The following SMG5 variants were observed in gnomAD, a reference collection of about 807,000 sequenced individuals.
The protein encoded by SMG5 is nonsense-mediated mRNA decay factor SMG5.
In SMG5, 53 loss-of-function variants were observed where a neutral mutation model predicts 122.9. The ratio of observed to expected loss-of-function variants is 0.43; its 90% CI spans 0.35 to 0.54. The LOEUF is 0.54. Ranked by LOEUF, SMG5 falls within the 20% of genes least tolerant of loss-of-function variation. The probability of loss-of-function intolerance (pLI) is 0.01; values close to 1 mark genes in which losing one functional copy is unlikely to be tolerated. For synonymous variants in SMG5, 477 were observed against 490.2 expected, an observed-to-expected ratio of 0.97 and a Z score of 0.35; for missense variants, 1,153 against 1,285.6, an observed-to-expected ratio of 0.90 and a Z score of 1.58.
intron 5 of SMG5, among the ~76,000 whole-genome samples, chr1:156,273,896 G>A (rs1187389940): frequency 6.6e-6 from 1 of 151,918 alleles, no homozygotes; most frequent in Admixed American, 6.6e-5. Context: ...ATGAAGGGGA[G>A]CTGCAGCACA....
Position 156,272,513 on chromosome 1 carries a change from C to A in SMG5, c.635-115G>T, listed in dbSNP as rs1252320692. 12 of 770,034 alleles carry A rather than the reference C, an allele frequency of 1.6e-5. No homozygotes were observed. Among genetic ancestry groups the A allele is most frequent in the Non-Finnish European group, 2.2e-6 (1 of 451,904 alleles). The allele number at this position is 770,034 out of a possible 1,614,324, so 47.7% of individuals were successfully genotyped here. ...TAGGGAGAACAGCTGGGTCTGCAGGCAACACTGGTTGTCTCAGGTGATTAG... is the reference window on the plus strand; with the variant it reads ...TAGGGAGAACAGCTGGGTCTGCAGGAAACACTGGTTGTCTCAGGTGATTAG... On this transcript the variant is annotated intron_variant, in intron 6 of 21. Transcript: ENST00000361813.
At chr1:156,270,366 T>C (rs1371340559) in intron 7 of SMG5, among the ~76,000 whole-genome samples, 1 of 152,216 alleles carries the variant, frequency 6.6e-6, no homozygotes, top group Non-Finnish European at 1.5e-5. Flanking sequence ...TTCTACCCTG[T>C]GGAAGATACC....
chr1:156,285,519 A>T, upstream of SMG5: 1 of 1,614,164 alleles, frequency 6.2e-7, no homozygotes, highest in Non-Finnish European at 8.5e-7. Context: ...CGGGACATTG[A>T]ACCAGAGCCC....
Position 156,267,562 on chromosome 1 carries a change from T to A in SMG5, c.1025A>T (p.Glu342Val). ...GAGGAAAGCATATCCACTCTCATAC[T>A]CCTCCTCATCCTCACTGGCCAGGCT... ...NLSLASEDEE[E>V]YESGYAFLPD... The change falls in exon 10 of 22, where the codon GAG becomes GTG. Residue 342 changes from glutamate to valine, a missense_variant. Physicochemically the swap from Glu to Val is moderately radical, Grantham distance 121. Around this residue, in one of 5 missense-constraint regions of SMG5, gnomAD observed 631 missense variants for 650.6 expected, o/e 0.97. Coordinates refer to ENST00000361813, the MANE Select transcript of SMG5 (RefSeq NM_015327.3). 2 of 1,614,004 alleles carry A rather than the reference T, an allele frequency of 1.2e-6. No homozygotes were observed. The highest frequency in any genetic ancestry group is 4.5e-5 in the East Asian group (2 of 44,878).
At position 156,263,446 on chromosome 1, in the gene SMG5, G is replaced by C. The variant is rs760587375; in HGVS notation, c.1980C>G (p.Val660=). The stretch of plus-strand genomic sequence containing the variant: ...GGTTGGTCCGAAGCCAGTCCAGGAA[G>C]ACTTTCACAGCAGGAAGCAGACCTT... ...MAEGLLPAVK[V]FLDWLRTNPD... is the part of the protein sequence containing the mutation. The change falls in exon 13 of 22, where the codon GTC becomes GTG. Residue 660 remains valine (V), a synonymous_variant. Transcript: ENST00000361813. The C allele has an allele frequency of 6.2e-6, 10 of 1,614,258 alleles. No homozygotes were observed. The South Asian group carries it at 1.1e-4, about 18-fold the overall frequency.
In SMG5 at chr1:156,249,725, G is replaced by A. The variant is rs972968683; in HGVS notation, c.*862C>T. On this transcript the variant is annotated 3_prime_UTR_variant, in exon 22 of 22. Transcript: ENST00000361813. The stretch of plus-strand genomic sequence containing the variant: ...CTTCAGCCCTCCCTTAGATAGGAAG[G>A]GGGGTGGTGGCCTCAGACTGCACCC... 3 of 469,580 alleles carry A rather than the reference G, an allele frequency of 6.4e-6. No homozygotes were observed. The highest frequency in any genetic ancestry group is 1.6e-5 in the South Asian group (1 of 64,496). The allele number at this position is 469,580 out of a possible 1,614,324, so 29.1% of individuals were successfully genotyped here. A position where few individuals can be genotyped will look rare whatever the true frequency, so the allele number is the denominator to read the frequency against.
At chr1:156,283,573 C>A (rs1031790826), upstream of SMG5, among the ~76,000 whole-genome samples, 3 of 152,166 alleles carry the variant, frequency 2.0e-5, no homozygotes. Context: ...CAGCTAGGAG[C>A]GTGACTGCTT....
chr1:156,272,545 A>G (rs1662483567), intron 6 of SMG5, 147 bp from the exon 7 acceptor site: 1 of 646,340 alleles, frequency 1.5e-6, no homozygotes, highest in African/African-American at 1.8e-5. Context: ...TTAGCAGCTT[A>G]ATCTTTTTCC....
rs1337396986 is a variant in SMG5, at chr1:156,282,743, A to G, written c.-63T>C. The G allele has an allele frequency of 5.3e-6, 8 of 1,500,264 alleles. No homozygotes were observed. The African/African-American group carries it at 5.6e-5, about 10-fold the overall frequency. 92.9% of individuals were successfully genotyped at this position (1,500,264 alleles called of 1,614,324 possible). On this transcript the variant is annotated 5_prime_UTR_variant, in exon 1 of 22. Transcript: ENST00000361813. ...CCTGCCACCCACCACTACCGCCAAC[A>G]CTGCCGTCTCCGGCCGTAGCCGCAG...
chr1:156,254,100 AG>A (rs150147536), intron 16 of SMG5, among the ~76,000 whole-genome samples: 3,441 of 152,286 alleles, frequency 0.023, 131 homozygotes, highest in African/African-American at 0.079. Flanking sequence ...CAGCCCCAGA[AG>A]TTATCAGGTT....
At chr1:156,279,133 G>C (rs954100670) in intron 1 of SMG5, 99 bp from the exon 2 acceptor site, 1 of 1,028,988 alleles carries the variant, frequency 9.7e-7, no homozygotes, top group Non-Finnish European at 1.5e-6. Flanking sequence ...CAGAATTAGC[G>C]GTGAGGGAAA....
At position 156,266,578 on chromosome 1, in the gene SMG5, G is replaced by A. The variant is rs775279039; in HGVS notation, c.1218C>T (p.Gly406=). 2.8e-5 allele frequency: 45 copies of A among 1,613,928 alleles called. No individual in the cohort carries two copies. The highest frequency in any genetic ancestry group is 2.9e-5 in the Non-Finnish European group (34 of 1,180,004). ...NIRLQAELEE[G]ENPVPAFQSD... ...TCTGGAATGCCGGGACGGGATTCTC[G>A]CCCTCTTCCAGCTCAGCCTGCAGCC... Residue 406 remains glycine, a synonymous_variant, in exon 11 of 22, where the codon GGC becomes GGT. Transcript: ENST00000361813.
At chr1:156,273,716 TTC>T (rs1483627740) in intron 5 of SMG5, among the ~76,000 whole-genome samples, 14 of 138,726 alleles carry the variant, frequency 1.0e-4, no homozygotes, top group Admixed American at 7.6e-4. Context: ...TTGTTTTGTT[TTC>T]TTTTTTTTTT....
chr1:156,259,168 G>A lies in SMG5; in HGVS notation c.2284-5C>T. The A allele has an allele frequency of 2.6e-6, 4 of 1,563,618 alleles. No homozygotes were observed. Among genetic ancestry groups the A allele is most frequent in the Non-Finnish European group, 3.5e-6 (4 of 1,154,796 alleles). On this transcript the variant is annotated splice_region_variant and splice_polypyrimidine_tract_variant and intron_variant, in intron 15 of 21. Transcript: ENST00000361813. ...GCAGCAGATGCGCACCACTGACTGT[G>A]GGGAGATACAGGAGCCCAGCGCTGC...
chr1:156,253,223 A>G, intron 17 of SMG5, 145 bp from the exon 18 acceptor site: 1 of 1,046,582 alleles, frequency 9.6e-7, no homozygotes, highest in Non-Finnish European at 1.4e-6. Context: ...CTTTGGGGGA[A>G]AAGTAAACAG....
chr1:156,253,826 A>ATC, intron 16 of SMG5: 1 of 390,012 alleles, frequency 2.6e-6, no homozygotes, highest in South Asian at 2.5e-5. Flanking sequence ...GCTCTTCTCA[A>ATC]TCTGGTCTCC....
At chr1:156,254,691 C>T (rs1343833763) in intron 16 of SMG5, among the ~76,000 whole-genome samples, 3 of 152,152 alleles carry the variant, frequency 2.0e-5, no homozygotes, top group African/African-American at 7.2e-5. Flanking sequence ...GCAATCTGCC[C>T]GCCTTGGCCT....
intron 16 of SMG5, among the ~76,000 whole-genome samples, chr1:156,255,737 T>A (rs554671822): frequency 4.2e-4 from 64 of 151,786 alleles, no homozygotes; most frequent in African/African-American, 1.1e-3. Flanking sequence ...AAAAGTATAT[T>A]TTTTTTATTT....
chr1:156,283,572 G>C (rs1299481233), upstream of SMG5, among the ~76,000 whole-genome samples: 1 of 152,222 alleles, frequency 6.6e-6, no homozygotes, highest in Non-Finnish European at 1.5e-5. Flanking sequence ...ACAGCTAGGA[G>C]CGTGACTGCT....
Sources: allele counts gnomAD v4.1 joint callset (sites outside exome capture counted in the v4.1 genomes callset), GRCh38; gene constraint gnomAD v4.1.1; regional missense constraint gnomAD v4.1.1; transcripts MANE v1.5; gene names NCBI Gene and HGNC (gene_info 2026-07-23, HGNC 2026-07-21).